The following CEL variants were observed in gnomAD, a reference collection of about 807,000 sequenced individuals.
The protein encoded by CEL is bile salt-activated lipase.
CEL carries 39 observed loss-of-function variants against 57.1 expected under a neutral mutation model. The ratio of observed to expected loss-of-function variants is 0.68; its 90% CI spans 0.53 to 0.89. CEL has a LOEUF of 0.89. Ranked by LOEUF, CEL falls within the 40% of genes least tolerant of loss-of-function variation. CEL has a pLI of 0.00. For missense variants in CEL, 698 were observed against 915.0 expected (o/e 0.76, Z 3.06); for synonymous variants, 314 against 396.6 (o/e 0.79, Z 2.48).
chr9:133,065,612 C>T (rs1247406370), intron 4 of CEL, among the ~76,000 whole-genome samples: 2 of 152,036 alleles, frequency 1.3e-5, no homozygotes, highest in Non-Finnish European at 2.9e-5. Context: ...GTTGGGAGCC[C>T]AAGGTGGGTA....
At chr9:133,068,620 G>C in intron 7 of CEL, 52 bp from the exon 8 acceptor site, 2 of 1,613,198 alleles carry the variant, frequency 1.2e-6, no homozygotes, top group Non-Finnish European at 1.7e-6. Context: ...GGGCGGCTCA[G>C]GGGAAACTGG....
chr9:133,064,991 A>G (rs372006875), intron 3 of CEL, 49 bp from the exon 4 acceptor site: 174 of 1,606,490 alleles, frequency 1.1e-4, no homozygotes, highest in Non-Finnish European at 1.4e-4. Context: ...CCGGCTGGAG[A>G]CAGGGCCAGG....
chr9:133,071,436 C>T lies in CEL; in HGVS notation c.1934C>T (p.Ala645Val). 8.4e-6 allele frequency: 1 copy of T among 119,302 alleles called. No homozygotes were observed. The highest frequency in any genetic ancestry group is 1.4e-5 in the Non-Finnish European group (1 of 70,534). 7.4% of individuals were successfully genotyped at this position (119,302 alleles called of 1,614,324 possible). A position where few individuals can be genotyped will look rare whatever the true frequency, so the allele number is the denominator to read the frequency against. The part of the protein sequence containing the change: ...PPVPPTGDSG[A>V]PPVPPTGDSG... The stretch of plus-strand genomic sequence containing the variant: ...GTGCCGCCCACGGGTGACTCCGGGG[C>T]CCCCCCCGTGCCGCCCACGGGTGAC... Residue 645 changes from alanine to valine, a missense_variant, in exon 11 of 11, where the codon GCC becomes GTC. Coordinates refer to ENST00000372080, the MANE Select transcript of CEL (RefSeq NM_001807.6).
At position 133,064,549 on chromosome 9, in the gene CEL, G is replaced by A; in HGVS notation, c.212G>A (p.Trp71Ter). Residue 71 changes from tryptophan (W) to a stop codon, truncating the protein, a stop_gained, in exon 2 of 11, where the codon TGG becomes TAG. Coordinates refer to ENST00000372080, the MANE Select transcript of CEL (RefSeq NM_001807.6). LOFTEE classifies it high-confidence loss of function. The part of the protein sequence containing the change: ...ALENPQPHPG[W>*]QGTLKAKNFK... ...GAAAATCCTCAGCCACATCCTGGCT[G>A]GCAAGGTGGGAGTGGGTGGTGCCGG... The A allele has an allele frequency of 6.2e-7, 1 of 1,614,156 alleles. No individual in the cohort carries two copies. Among genetic ancestry groups the A allele is most frequent in the Non-Finnish European group, 8.5e-7 (1 of 1,180,014 alleles).
At chr9:133,067,459 C>T (rs188587743) in intron 7 of CEL, among the ~76,000 whole-genome samples, 184 of 152,222 alleles carry the variant, frequency 1.2e-3, no homozygotes, top group African/African-American at 4.3e-3. Context: ...CTGCAACCTC[C>T]ACCTCCTGGG....
At chr9:133,064,936 C>T (rs1830151296) in intron 3 of CEL, 104 bp from the exon 4 acceptor site, 14 of 1,546,916 alleles carry the variant, frequency 9.1e-6, no homozygotes, top group Non-Finnish European at 1.2e-5. Context: ...CCTTGGAGCA[C>T]CTCCCTGTCT....
Position 133,064,643 on chromosome 9 carries a change from C to A in CEL, c.221C>A (p.Thr74Asn). The A allele has an allele frequency of 1.2e-6, 2 of 1,613,912 alleles. No homozygotes were observed. Among genetic ancestry groups the A allele is most frequent in the Non-Finnish European group, 1.7e-6 (2 of 1,179,928 alleles). The change falls in exon 3 of 11, where the codon ACC (threonine) becomes AAC (asparagine). Residue 74 changes from threonine (T) to asparagine (N), a missense_variant. By Grantham distance (65) the Thr-to-Asn change is moderately conservative. Around this residue, in one of 6 missense-constraint regions of CEL, gnomAD observed 327 missense variants for 374.1 expected, o/e 0.87. Coordinates refer to ENST00000372080, the MANE Select transcript of CEL (RefSeq NM_001807.6). The part of the protein sequence containing the change: ...NPQPHPGWQG[T>N]LKAKNFKKRC... ...TGCCAACTCCTGCCACCTGCAGGGA[C>A]CCTGAAGGCCAAGAACTTCAAGAAG...
intron 1 of CEL, 136 bp downstream of exon 1, chr9:133,062,204 A>C: frequency 8.1e-7 from 1 of 1,236,718 alleles, no homozygotes. Context: ...CTATGGGGAC[A>C]GGTGCCAGGT....
In CEL at chr9:133,070,443, G is replaced by A. The variant is rs1830241383; in HGVS notation, c.1287-18G>A. On this transcript the variant is annotated intron_variant, in intron 9 of 10. Coordinates refer to ENST00000372080, the MANE Select transcript of CEL (RefSeq NM_001807.6). ...CCCAGTGAGCACCCTGCCTACTTGG[G>A]TGGTCTCTCCCCTCCAGGAGTGCCA... 1 of 1,608,222 alleles carries A rather than the reference G, an allele frequency of 6.2e-7. No homozygotes were observed. Among genetic ancestry groups the A allele is most frequent in the Non-Finnish European group, 8.5e-7 (1 of 1,176,564 alleles).
In CEL at chr9:133,064,707, C is replaced by A. The variant is rs531669054; in HGVS notation, c.285C>A (p.Tyr95Ter). The part of the protein sequence containing the change: ...LQATITQDST[Y>*]GDEDCLYLNI... Reference sequence around the variant, plus strand: ...CCACCATCACCCAGGACAGCACCTACGGGGATGAAGACTGCCTGTACCTCA... The same window carrying A: ...CCACCATCACCCAGGACAGCACCTAAGGGGATGAAGACTGCCTGTACCTCA... Residue 95 changes from tyrosine to a stop codon, truncating the protein, a stop_gained, in exon 3 of 11, where the codon TAC (tyrosine) becomes TAA (stop). Transcript: ENST00000372080. LOFTEE classifies it high-confidence loss of function. 1 of 1,613,986 alleles carries A rather than the reference C, an allele frequency of 6.2e-7. No individual in the cohort carries two copies. Among genetic ancestry groups the A allele is most frequent in the Non-Finnish European group, 8.5e-7 (1 of 1,180,012 alleles).
chr9:133,071,537 C>G lies in CEL; in HGVS notation c.2035C>G (p.Pro679Ala), dbSNP rs1480335766. 1 of 834,864 alleles carries G rather than the reference C, an allele frequency of 1.2e-6. No homozygotes were observed. Among genetic ancestry groups the G allele is most frequent in the South Asian group, 1.7e-5 (1 of 59,902 alleles). 51.7% of individuals were successfully genotyped at this position (834,864 alleles called of 1,614,324 possible). Residue 679 changes from proline to alanine, a missense_variant, in exon 11 of 11, where the codon CCC becomes GCC. Around this residue, in one of 6 missense-constraint regions of CEL, gnomAD observed 238 missense variants for 213.7 expected, o/e 1.11. Coordinates refer to ENST00000372080, the MANE Select transcript of CEL (RefSeq NM_001807.6). ...GCCGCCCACGGGTGACGCCGGGCCC[C>G]CCCCCGTGCCGCCCACGGGTGACTC... Reference protein sequence around the residue: ...PVPPTGDAGPPPVPPTGDSGA... With the variant: ...PVPPTGDAGPAPVPPTGDSGA...
rs1452878831 is a variant in CEL, at chr9:133,071,517, C to T, written c.2015C>T (p.Pro672Leu). The T allele has an allele frequency of 1.2e-6, 1 of 861,370 alleles. No homozygotes were observed. The highest frequency in any genetic ancestry group is 2.2e-5 in the African/African-American group (1 of 46,038). 53.4% of individuals were successfully genotyped at this position (861,370 alleles called of 1,614,324 possible). The change falls in exon 11 of 11, where the codon CCC (proline) becomes CTC (leucine). Residue 672 changes from proline to leucine, a missense_variant. Transcript: ENST00000372080. ...TGDSGAPPVPPTGDAGPPPVP... is the reference protein window; with the variant it reads ...TGDSGAPPVPLTGDAGPPPVP... ...GACTCCGGCGCCCCCCCCGTGCCGC[C>T]CACGGGTGACGCCGGGCCCCCCCCC...
At chr9:133,063,490 G>C (rs1488618803) in intron 1 of CEL, among the ~76,000 whole-genome samples, 2 of 152,180 alleles carry the variant, frequency 1.3e-5, no homozygotes, top group African/African-American at 2.4e-5. Context: ...TGGGCCTGGG[G>C]GTGTAGGGCC....
chr9:133,064,210 TAAG>T (rs1830137104), intron 1 of CEL, among the ~76,000 whole-genome samples, 191 bp from the exon 2 acceptor site: 1 of 152,158 alleles, frequency 6.6e-6, no homozygotes, highest in Non-Finnish European at 1.5e-5. Context: ...CCCCCAGGGA[TAAG>T]GAGAGGAACA....
rs1468553000 is a variant in CEL at position 133,066,550 on chromosome 9, C to A, written c.559C>A (p.Gln187Lys). 6.2e-7 allele frequency: 1 copy of A among 1,614,084 alleles called. No individual in the cohort carries two copies. The highest frequency in any genetic ancestry group is 1.1e-5 in the South Asian group (1 of 91,088). Residue 187 changes from glutamine to lysine, a missense_variant, in exon 5 of 11, where the codon CAG becomes AAG. By Grantham distance (53) the Gln-to-Lys change is moderately conservative (BLOSUM62 1). Transcript: ENST00000372080. The surrounding 1 kb of genome is among the most constrained non-coding windows in gnomAD (Gnocchi z 4.3). Reference sequence around the variant, plus strand: ...CCCAGGTAACTATGGCCTTCGGGATCAGCACATGGCCATTGCTTGGGTGAA... The same window carrying A: ...CCCAGGTAACTATGGCCTTCGGGATAAGCACATGGCCATTGCTTGGGTGAA... ...NLPGNYGLRD[Q>K]HMAIAWVKRN... is the part of the protein sequence containing the mutation.
chr9:133,071,686 G>T lies in CEL; in HGVS notation c.2184G>T (p.Thr728=), dbSNP rs778152619. ...GDSGAPPVPP[T]GDSEAAPVPP... ...CCGGGGCCCCCCCTGTGCCCCCCAC[G>T]GGTGACTCTGAGGCTGCCCCTGTGC... Residue 728 remains threonine (T), a synonymous_variant, in exon 11 of 11, where the codon ACG becomes ACT. Coordinates refer to ENST00000372080, the MANE Select transcript of CEL (RefSeq NM_001807.6). 6.2e-7 allele frequency: 1 copy of T among 1,604,414 alleles called. No individual in the cohort carries two copies. The highest frequency in any genetic ancestry group is 8.5e-7 in the Non-Finnish European group (1 of 1,175,468).
chr9:133,063,960 C>T (rs1446057954), intron 1 of CEL, among the ~76,000 whole-genome samples: 1 of 152,126 alleles, frequency 6.6e-6, no homozygotes, highest in Non-Finnish European at 1.5e-5. Flanking sequence ...TGTGAAACAT[C>T]CCGGGTACAC....
In CEL at chr9:133,066,728, GT is replaced by G; in HGVS notation, c.669+69del. 6.2e-7 allele frequency: 1 copy of G among 1,605,484 alleles called. No individual in the cohort carries two copies. The highest frequency in any genetic ancestry group is 2.2e-5 in the East Asian group (1 of 44,738). ...AGGAAGCTCAAACGGGAAGGGGAGG[GT>G]GGGAGGAGGAGCGTGGAGCTGGGGC... is the stretch of plus-strand genomic sequence containing the variant. On this transcript the variant is annotated intron_variant, in intron 5 of 10. Transcript: ENST00000372080. The surrounding 1 kb of genome is among the most constrained non-coding windows in gnomAD (Gnocchi z 4.3).
Position 133,066,982 on chromosome 9 carries a change from C to A in CEL, c.777+37C>A, listed in dbSNP as rs1287857737. Reference sequence around the variant, plus strand: ...AGGGCAGGGCTGGGCGGGGTGGGGGCTGTCCACATTTCCGTTCTTTATCCT... The same window carrying A: ...AGGGCAGGGCTGGGCGGGGTGGGGGATGTCCACATTTCCGTTCTTTATCCT... On this transcript the variant is annotated intron_variant, in intron 6 of 10. Transcript: ENST00000372080. This position sits in a 1 kb window ranked among gnomAD's most constrained non-coding sequence, Gnocchi z 4.3. The A allele has an allele frequency of 6.3e-7, 1 of 1,593,662 alleles. No homozygotes were observed. Among genetic ancestry groups the A allele is most frequent in the Non-Finnish European group, 8.6e-7 (1 of 1,161,648 alleles).
Sources: allele counts gnomAD v4.1 joint callset (sites outside exome capture counted in the v4.1 genomes callset), GRCh38; gene constraint gnomAD v4.1.1; regional missense constraint gnomAD v4.1.1; non-coding constraint Gnocchi (gnomAD v3.1); transcripts MANE v1.5; gene names NCBI Gene and HGNC (gene_info 2026-07-23, HGNC 2026-07-21).